Variants in NEO1 observed in about 807,000 individuals in gnomAD.
The protein encoded by NEO1 is neogenin 1, also known as neogenin.
In NEO1, 63 loss-of-function variants were observed where a neutral mutation model predicts 159.7. The observed-to-expected ratio is 0.39, with a 90% CI of 0.32 to 0.49. The LOEUF is 0.49. NEO1 is among the 20% of genes least tolerant of loss of function. The probability of loss-of-function intolerance (pLI) is 0.85; values close to 1 mark genes in which losing one functional copy is unlikely to be tolerated. For synonymous variants in NEO1, 633 were observed against 662.0 expected (o/e 0.96, Z 0.67); for missense variants, 1,615 against 1,831.0 (o/e 0.88, Z 2.15).
chr15:73,091,247 T>C (rs1358255373), intron 1 of NEO1, among the ~76,000 whole-genome samples: 1 of 152,228 alleles, frequency 6.6e-6, no homozygotes, highest in East Asian at 1.9e-4. Flanking sequence ...ATGCCTACTA[T>C]GTGCAGGAAC....
intron 1 of NEO1, among the ~76,000 whole-genome samples, chr15:73,095,951 G>A (rs951891699): frequency 2.6e-5 from 4 of 152,186 alleles, no homozygotes; most frequent in African/African-American, 9.6e-5. Context: ...TATGAATTCT[G>A]CTAAAATTGA....
chr15:73,190,797 C>G (rs1243202098), intron 7 of NEO1, among the ~76,000 whole-genome samples: 3 of 152,014 alleles, frequency 2.0e-5, no homozygotes, highest in Non-Finnish European at 4.4e-5. Flanking sequence ...TCATGAAATT[C>G]ATGTCTAGGA....
chr15:73,099,376 A>G (rs1330441912), intron 1 of NEO1, among the ~76,000 whole-genome samples: 1 of 152,252 alleles, frequency 6.6e-6, no homozygotes, highest in African/African-American at 2.4e-5. Flanking sequence ...CAGTAAATGC[A>G]CAGTTGAATA....
intron 8 of NEO1, among the ~76,000 whole-genome samples, chr15:73,239,129 G>A (rs557110622): frequency 6.6e-6 from 1 of 152,174 alleles, no homozygotes; most frequent in Non-Finnish European, 1.5e-5. Context: ...ACAGGCATGA[G>A]CCACTGTGCC....
intron 5 of NEO1, among the ~76,000 whole-genome samples, chr15:73,170,701 G>C (rs1050955946): frequency 1.3e-5 from 2 of 152,164 alleles, no homozygotes; most frequent in African/African-American, 4.8e-5. Flanking sequence ...CCAGCTCACT[G>C]TTTTGAAAAC....
At position 73,298,485 on chromosome 15, in the gene NEO1, A is replaced by G; in HGVS notation, c.4039A>G (p.Ser1347Gly). 1 of 1,614,180 alleles carries G rather than the reference A, an allele frequency of 6.2e-7. No individual in the cohort carries two copies. Residue 1347 changes from serine (S) to glycine (G), a missense_variant, in exon 27 of 29, where the codon AGT (serine) becomes GGT (glycine). Around this residue, in one of 3 missense-constraint regions of NEO1, gnomAD observed 471 missense variants for 498.9 expected, o/e 0.94. Transcript: ENST00000261908. ...CTCCCAAGAGGAAGATTCAGGCCAG[A>G]GTCTTCCCACTGCCCATGTTCGCCC... ...ASSQEEDSGQSLPTAHVRPSH... is the reference protein window; with the variant it reads ...ASSQEEDSGQGLPTAHVRPSH...
intron 4 of NEO1, among the ~76,000 whole-genome samples, chr15:73,130,308 G>GCCCCCCCC (rs71281951): frequency 6.8e-6 from 1 of 146,052 alleles, no homozygotes; most frequent in Non-Finnish European, 1.5e-5. Context: ...TCAGTTTCCC[G>GCCCCCCCC]CCCCCCCCGC....
At chr15:73,159,002 C>A (rs2033982042) in intron 5 of NEO1, among the ~76,000 whole-genome samples, 1 of 152,168 alleles carries the variant, frequency 6.6e-6, no homozygotes, top group African/African-American at 2.4e-5. Context: ...GTAATACACA[C>A]CTGTAATCCT....
chr15:73,304,826 T>C lies in NEO1; in HGVS notation c.*2130T>C, dbSNP rs1490254211. On this transcript the variant is annotated 3_prime_UTR_variant, in exon 29 of 29. Transcript: ENST00000261908. ...AATTGGGGCGGGTGGGGGAGGGGCC[T>C]ATTTTTAAATAAAATAACTGTTCAA... The C allele has an allele frequency of 6.6e-6, 1 of 152,176 alleles. No individual in the cohort carries two copies. Among genetic ancestry groups the C allele is most frequent in the Non-Finnish European group, 1.5e-5 (1 of 68,028 alleles). The allele number at this position is 152,176 out of a possible 1,614,324, so 9.4% of individuals were successfully genotyped here.
At chr15:73,154,589 G>A (rs181384749) in intron 5 of NEO1, among the ~76,000 whole-genome samples, 107 of 152,294 alleles carry the variant, frequency 7.0e-4, no homozygotes, top group African/African-American at 2.5e-3. Context: ...GAGAACATCT[G>A]AAGCATGTCT....
intron 27 of NEO1, 48 bp from the exon 28 acceptor site, chr15:73,301,273 A>T (rs371750226): frequency 6.2e-7 from 1 of 1,612,158 alleles, no homozygotes; most frequent in Non-Finnish European, 8.5e-7. Context: ...CATGAGGTCT[A>T]GGGGAGGCAG....
intron 13 of NEO1, among the ~76,000 whole-genome samples, chr15:73,257,517 C>G (rs2040428035): frequency 6.6e-6 from 1 of 152,156 alleles, no homozygotes; most frequent in Non-Finnish European, 1.5e-5. Flanking sequence ...AAAGCATTAA[C>G]TTGAAGCCTG....
chr15:73,147,731 C>T (rs1469488411), intron 5 of NEO1, among the ~76,000 whole-genome samples: 1 of 151,908 alleles, frequency 6.6e-6, no homozygotes, highest in Admixed American at 6.6e-5. Flanking sequence ...TTAGCCCACT[C>T]TGGGTCTCTT....
At chr15:73,167,223 A>G (rs1298034111) in intron 5 of NEO1, among the ~76,000 whole-genome samples, 1 of 151,324 alleles carries the variant, frequency 6.6e-6, no homozygotes, top group Non-Finnish European at 1.5e-5. Context: ...TTGTATACAT[A>G]TGTAACAAAC....
At chr15:73,145,736 C>T (rs1269567203) in intron 5 of NEO1, among the ~76,000 whole-genome samples, 1 of 152,074 alleles carries the variant, frequency 6.6e-6, no homozygotes, top group East Asian at 1.9e-4. Context: ...TGCATCAGAT[C>T]CTTGACTTTC....
At chr15:73,186,841 C>T (rs1365226070) in intron 7 of NEO1, among the ~76,000 whole-genome samples, 2 of 152,096 alleles carry the variant, frequency 1.3e-5, no homozygotes, top group African/African-American at 2.4e-5. Flanking sequence ...CTTAATGGGT[C>T]AGTCTCTGTC....
At chr15:73,281,633 C>T (rs1246896520) in intron 22 of NEO1, among the ~76,000 whole-genome samples, 3 of 152,272 alleles carry the variant, frequency 2.0e-5, no homozygotes, top group East Asian at 1.9e-4. Flanking sequence ...CCCACGCTGG[C>T]AGGATGCCTC....
At chr15:73,268,235 T>C (rs1176112189) in intron 16 of NEO1, among the ~76,000 whole-genome samples, 1 of 152,200 alleles carries the variant, frequency 6.6e-6, no homozygotes, top group African/African-American at 2.4e-5. Flanking sequence ...AGTGAAAAAG[T>C]ATTTAAATAA....
intron 27 of NEO1, chr15:73,299,782 T>A (rs2042543031): frequency 6.6e-6 from 1 of 152,262 alleles, no homozygotes; most frequent in East Asian, 1.9e-4. Context: ...ACAGCTGGAT[T>A]TTCCTATCTG....
Sources: allele counts gnomAD v4.1 joint callset (sites outside exome capture counted in the v4.1 genomes callset), GRCh38; gene constraint gnomAD v4.1.1; regional missense constraint gnomAD v4.1.1; transcripts MANE v1.5; gene names NCBI Gene and HGNC (gene_info 2026-07-23, HGNC 2026-07-21).